ZC3H13: variants seen among roughly 807,000 people sequenced by gnomAD.
ZC3H13 encodes zinc finger CCCH-type containing 13, also known as zinc finger CCCH domain-containing protein 13.
ZC3H13 carries 64 observed loss-of-function variants against 204.1 expected under a neutral mutation model. The ratio of observed to expected loss-of-function variants is 0.31; its 90% CI spans 0.26 to 0.39. The LOEUF (loss-of-function observed/expected upper bound fraction) is 0.39, where lower values mean the gene tolerates loss of function less well. Among genes scored for constraint, ZC3H13 ranks in the 10% least tolerant of loss-of-function variants. The pLI, the probability that ZC3H13 is intolerant of heterozygous loss-of-function variation, is 1.00. For synonymous variants in ZC3H13, 667 were observed against 693.7 expected, an observed-to-expected ratio of 0.96 and a Z score of 0.60; for missense variants, 1,833 against 2,082.7, an observed-to-expected ratio of 0.88 and a Z score of 2.33.
At position 46,000,040 on chromosome 13, in the gene ZC3H13, C is replaced by T. The variant is rs555699717; in HGVS notation, c.944+3099G>A. ...GGCTTAAAATATTTAGTAAACCATGCTGTAAACAGATGTGCTGTCATCCAT... is the reference window on the plus strand; with the variant it reads ...GGCTTAAAATATTTAGTAAACCATGTTGTAAACAGATGTGCTGTCATCCAT... On this transcript the variant is annotated intron_variant, in intron 8 of 18. Transcript: ENST00000679008. 8.9e-4 allele frequency among the ~76,000 whole-genome samples: 135 copies of T among 152,306 alleles called. 1 individual carries two copies. Among genetic ancestry groups the T allele is most frequent in the Admixed American group, 2.2e-3 (33 of 15,302 alleles).
intron 17 of ZC3H13, among the ~76,000 whole-genome samples, chr13:45,961,258 A>C (rs1951665662): frequency 6.6e-6 from 1 of 151,938 alleles, no homozygotes. Context: ...ATATAAAAGA[A>C]ATGCATTGAG....
rs1952450319 is a variant in ZC3H13, at chr13:45,969,975, T to C, written c.2573-4A>G. 1 of 1,597,012 alleles carries C rather than the reference T, an allele frequency of 6.3e-7. No individual in the cohort carries two copies. Among genetic ancestry groups the C allele is most frequent in the African/African-American group, 1.4e-5 (1 of 73,978 alleles). On this transcript the variant is annotated splice_region_variant and splice_polypyrimidine_tract_variant and intron_variant, in intron 13 of 18. Transcript: ENST00000679008. Reference sequence around the variant, plus strand: ...CTCAAGAGTCTGTGTTTTTCATCTATATAAAAGATAAAAGCAATCACACTC... The same window carrying C: ...CTCAAGAGTCTGTGTTTTTCATCTACATAAAAGATAAAAGCAATCACACTC...
intron 12 of ZC3H13, among the ~76,000 whole-genome samples, chr13:45,973,294 C>T (rs1952739438): frequency 6.6e-6 from 1 of 152,118 alleles, no homozygotes. Context: ...AAAAAAAGTG[C>T]TGGATAAATT....
chr13:46,009,485 A>G (rs2041390510), intron 7 of ZC3H13, among the ~76,000 whole-genome samples: 1 of 152,104 alleles, frequency 6.6e-6, no homozygotes, highest in Admixed American at 6.6e-5. Context: ...AGTTAAGTAG[A>G]GTCTGAAATA....
At chr13:46,010,202 T>C (rs2041448675) in intron 7 of ZC3H13, 146 bp downstream of exon 7, 1 of 797,886 alleles carries the variant, frequency 1.3e-6, no homozygotes. Context: ...TCTTTTTAAT[T>C]GAAACATTTC....
At chr13:46,026,551 A>C (rs1312397407) in intron 4 of ZC3H13, among the ~76,000 whole-genome samples, 1 of 152,076 alleles carries the variant, frequency 6.6e-6, no homozygotes, top group Non-Finnish European at 1.5e-5. Flanking sequence ...AGAAAAAGTG[A>C]CTGTCTTAGG....
At position 45,970,106 on chromosome 13, in the gene ZC3H13, C is replaced by A. The variant is rs1335308508; in HGVS notation, c.2573-135G>T. ...GGCCGAGGCAGGTGGATCATGAGAT[C>A]AAGAGATCAAGATCATTTAAAAACT... On this transcript the variant is annotated intron_variant, in intron 13 of 18. Coordinates refer to ENST00000679008, the MANE Select transcript of ZC3H13 (RefSeq NM_001330564.2). The A allele has an allele frequency of 1.5e-5, 17 of 1,108,852 alleles. No individual in the cohort carries two copies. The Admixed American group carries it at 4.4e-4, about 29-fold the overall frequency. The allele number at this position is 1,108,852 out of a possible 1,614,324, so 68.7% of individuals were successfully genotyped here. A position where few individuals can be genotyped will look rare whatever the true frequency, so the allele number is the denominator to read the frequency against.
chr13:45,985,373 T>C lies in ZC3H13; in HGVS notation c.1644A>G (p.Arg548=). ...TTCTAATTTCACTTCGAGACTCATT[T>C]CTGGACTCATTCCTTATTTCCGTAC... The part of the protein sequence containing the change: ...SSRTEIRNES[R]NESRSEIRND... The change falls in exon 10 of 19, where the codon AGA becomes AGG. Residue 548 remains arginine, a synonymous_variant. Transcript: ENST00000679008. 1 of 1,614,232 alleles carries C rather than the reference T, an allele frequency of 6.2e-7. No homozygotes were observed. Among genetic ancestry groups the C allele is most frequent in the Non-Finnish European group, 8.5e-7 (1 of 1,180,012 alleles).
At chr13:45,973,118 A>G (rs911893451) in intron 12 of ZC3H13, among the ~76,000 whole-genome samples, 7 of 152,234 alleles carry the variant, frequency 4.6e-5, no homozygotes, top group African/African-American at 1.7e-4. Flanking sequence ...GTTTTAAGCT[A>G]CTAACTTATG....
chr13:45,993,298 T>C (rs895697397), intron 8 of ZC3H13, among the ~76,000 whole-genome samples: 1 of 152,226 alleles, frequency 6.6e-6, no homozygotes, highest in African/African-American at 2.4e-5. Context: ...TATTTGTCTT[T>C]TTCTAGCCCT....
chr13:45,993,057 G>A (rs757466749), intron 8 of ZC3H13, among the ~76,000 whole-genome samples: 6 of 152,026 alleles, frequency 3.9e-5, no homozygotes, highest in Non-Finnish European at 7.4e-5. Context: ...GGAAAACCTT[G>A]ACTAATACAT....
intron 12 of ZC3H13, among the ~76,000 whole-genome samples, chr13:45,972,048 T>C (rs12431359): frequency 0.23 from 35,666 of 151,994 alleles, 5,020 homozygotes; most frequent in South Asian, 0.33. Context: ...TATTCACTGC[T>C]GGTGGGTATG....
chr13:45,967,473 C>A, intron 15 of ZC3H13, 31 bp downstream of exon 15: 1 of 1,494,564 alleles, frequency 6.7e-7, no homozygotes, highest in Non-Finnish European at 8.9e-7. Flanking sequence ...AGAAATAAAG[C>A]AGTATCACAG....
chr13:45,973,189 C>T (rs1277631269), intron 12 of ZC3H13, among the ~76,000 whole-genome samples: 10 of 152,110 alleles, frequency 6.6e-5, no homozygotes, highest in Admixed American at 6.6e-4. Context: ...AAATTTAAAA[C>T]ATGAGAAAAA....
At chr13:46,037,666 T>C (rs561699392) in intron 4 of ZC3H13, among the ~76,000 whole-genome samples, 213 of 64,416 alleles carry the variant, frequency 3.3e-3, no homozygotes, top group African/African-American at 0.019. Flanking sequence ...AGTTCCACCG[T>C]ATTAAGTCTG....
intron 8 of ZC3H13, among the ~76,000 whole-genome samples, chr13:45,998,890 G>T (rs1241961548): frequency 6.6e-6 from 1 of 152,042 alleles, no homozygotes; most frequent in South Asian, 2.1e-4. Context: ...TTTCGCAAAA[G>T]ATTTATCTGT....
At chr13:45,983,571 C>G (rs573206597) in intron 10 of ZC3H13, among the ~76,000 whole-genome samples, 1 of 148,742 alleles carries the variant, frequency 6.7e-6, no homozygotes, top group Non-Finnish European at 1.5e-5. Context: ...GGATTACAGG[C>G]GCCCACCACC....
At chr13:46,040,507 G>C (rs911114717) in intron 4 of ZC3H13, among the ~76,000 whole-genome samples, 1 of 151,950 alleles carries the variant, frequency 6.6e-6, no homozygotes, top group African/African-American at 2.4e-5. Context: ...CAACATAGAC[G>C]TAAATCTTTG....
Position 46,030,494 on chromosome 13 carries a change from G to A in ZC3H13, c.340-9937C>T, listed in dbSNP as rs544158355. On this transcript the variant is annotated intron_variant, in intron 4 of 18. Coordinates refer to ENST00000679008, the MANE Select transcript of ZC3H13 (RefSeq NM_001330564.2). ...TGAAAGAACTAACAGAAGAACTTCAGGAATTAGTTCTTTTTTCAAGATCTT... is the reference window on the plus strand; with the variant it reads ...TGAAAGAACTAACAGAAGAACTTCAAGAATTAGTTCTTTTTTCAAGATCTT... Among the ~76,000 whole-genome samples the A allele has an allele frequency of 1.6e-4, 25 of 152,288 alleles. 1 individual carries two copies. The highest frequency in any genetic ancestry group is 6.0e-4 in the African/African-American group (25 of 41,576).
Sources: gnomAD v4.1 joint callset for allele counts (sites outside exome capture counted in the v4.1 genomes callset) on GRCh38, gnomAD v4.1.1 for gene constraint, MANE v1.5 for transcripts, NCBI Gene and HGNC (gene_info 2026-07-23, HGNC 2026-07-21) for gene names.